The following GLRA3 variants were observed in gnomAD, a reference collection of about 807,000 sequenced individuals.
GLRA3 encodes the protein glycine receptor subunit alpha-3.
Under a neutral mutation model 60.4 loss-of-function variants are expected in GLRA3, and 44 were observed. The observed-to-expected ratio is 0.73, with a 90% CI of 0.57 to 0.94. The LOEUF (loss-of-function observed/expected upper bound fraction) is 0.94. Ranked by LOEUF, GLRA3 falls within the 40% of genes least tolerant of loss-of-function variation. GLRA3 has a pLI of 0.00. For missense variants in GLRA3, 508 were observed against 564.6 expected (o/e 0.90, Z 1.02); for synonymous variants, 223 against 192.9 (o/e 1.16, Z -1.29).
intron 8 of GLRA3, among the ~76,000 whole-genome samples, chr4:174,657,775 A>G (rs1334371953): frequency 6.6e-6 from 1 of 150,856 alleles, no homozygotes; most frequent in Non-Finnish European, 1.5e-5. Flanking sequence ...CCATCACAAT[A>G]TGTTTCAGTG....
chr4:174,759,730 T>A (rs929001581), intron 3 of GLRA3, among the ~76,000 whole-genome samples: 1 of 152,110 alleles, frequency 6.6e-6, no homozygotes, highest in Non-Finnish European at 1.5e-5. Context: ...GACAAATAGA[T>A]CATTAGCATA....
chr4:174,690,537 C>A (rs1315855117), intron 5 of GLRA3, among the ~76,000 whole-genome samples: 1 of 151,976 alleles, frequency 6.6e-6, no homozygotes, highest in Non-Finnish European at 1.5e-5. Flanking sequence ...TTTGAGGGTA[C>A]ATTTGAAAGT....
intron 9 of GLRA3, among the ~76,000 whole-genome samples, chr4:174,648,185 G>A (rs114369793): frequency 0.011 from 1,716 of 152,250 alleles, 32 homozygotes; most frequent in African/African-American, 0.039. Flanking sequence ...TGAGGACTGA[G>A]TGTGGCAGCT....
At chr4:174,647,411 G>GA (rs11424236) in intron 9 of GLRA3, among the ~76,000 whole-genome samples, 69,360 of 134,674 alleles carry the variant, frequency 0.52, 17,569 homozygotes, top group African/African-American at 0.68. Context: ...CCCATCTCAA[G>GA]AAAAAAAAAA....
intron 4 of GLRA3, 23 bp downstream of exon 4, chr4:174,728,452 G>A (rs780643005): frequency 4.3e-5 from 54 of 1,265,782 alleles, no homozygotes; most frequent in Non-Finnish European, 5.3e-5. Flanking sequence ...CACTGAAATC[G>A]GCAATTTAAG....
rs1384038062 is a variant in GLRA3 at position 174,640,131 on chromosome 4, T to C, written c.*3655A>G. The C allele has an allele frequency of 6.6e-6, 1 of 152,146 alleles. No individual in the cohort carries two copies. Among genetic ancestry groups the C allele is most frequent in the Non-Finnish European group, 1.5e-5 (1 of 67,978 alleles). 9.4% of individuals were successfully genotyped at this position (152,146 alleles called of 1,614,324 possible). On this transcript the variant is annotated 3_prime_UTR_variant, in exon 10 of 10. Transcript: ENST00000274093. ...TGGGAGTTTATGCTATTATCTATGT[T>C]GCAAAGAGTGTGGAATCACTTTTGG...
intron 7 of GLRA3, among the ~76,000 whole-genome samples, chr4:174,672,518 C>T (rs1012126137): frequency 2.0e-5 from 3 of 152,058 alleles, no homozygotes; most frequent in Non-Finnish European, 4.4e-5. Flanking sequence ...GAGCACAAGC[C>T]TTGCATGTTT....
rs889250747 is a variant in GLRA3 at position 174,718,371 on chromosome 4, T to A, written c.492-2801A>T. Among the ~76,000 whole-genome samples the A allele has an allele frequency of 9.2e-5, 14 of 152,350 alleles. No homozygotes were observed. In the East Asian group the frequency reaches 1.9e-3, roughly 21 times the overall value. On this transcript the variant is annotated intron_variant, in intron 4 of 9. Coordinates refer to ENST00000274093, the MANE Select transcript of GLRA3 (RefSeq NM_006529.4). ...TAAGAGAGACACTAAGTTCTCTTTC[T>A]GAGACAAGATACATAAACAGGATAT... is the stretch of plus-strand genomic sequence containing the variant.
chr4:174,659,107 C>A lies in GLRA3; in HGVS notation c.1018G>T (p.Val340Leu), dbSNP rs945442193. The A allele has an allele frequency of 2.3e-5, 37 of 1,612,714 alleles. No individual in the cohort carries two copies. Among genetic ancestry groups the A allele is most frequent in the Non-Finnish European group, 2.9e-5 (34 of 1,179,134 alleles). Residue 340 changes from valine to leucine, a missense_variant, in exon 8 of 10, where the codon GTA becomes TTA. Val to Leu is a conservative substitution (Grantham distance 32). Transcript: ENST00000274093. ...AGAAGTTCTTTGTGTTGTCTTGATA[C>A]AAAATTTACAGCTGCATACTCCAGA... ...ALLEYAAVNFVSRQHKELLRF... is the reference protein window; with the variant it reads ...ALLEYAAVNFLSRQHKELLRF...
chr4:174,706,122 C>T (rs765414905), intron 5 of GLRA3, among the ~76,000 whole-genome samples: 10 of 151,690 alleles, frequency 6.6e-5, no homozygotes, highest in Non-Finnish European at 1.2e-4. Flanking sequence ...CCCAGCTACT[C>T]GGGAGGCTGA....
chr4:174,781,153 A>C (rs1312149010), intron 2 of GLRA3, among the ~76,000 whole-genome samples: 4 of 152,158 alleles, frequency 2.6e-5, no homozygotes, highest in African/African-American at 4.8e-5. Flanking sequence ...ACTCAGGATT[A>C]AGAATCTCAC....
Position 174,643,910 on chromosome 4 carries a change from C to T in GLRA3, c.1271G>A (p.Arg424Gln), listed in dbSNP as rs753486096. The change falls in exon 10 of 10, where the codon CGG (arginine) becomes CAG (glutamine). Residue 424 changes from arginine (R) to glutamine (Q), a missense_variant. Physicochemically the swap from Arg to Gln is conservative, Grantham distance 43. This residue lies in a region of GLRA3 where 176 missense variants were observed against 197.9 expected (regional missense o/e 0.89). Transcript: ENST00000274093. ...PDEMRKVFIDRAKKIDTISRA... is the reference protein window; with the variant it reads ...PDEMRKVFIDQAKKIDTISRA... ...GGAGATGGTATCAATCTTCTTGGCCCGGTCGATAAAGACCTTCCTCATTTC... is the reference window on the plus strand; with the variant it reads ...GGAGATGGTATCAATCTTCTTGGCCTGGTCGATAAAGACCTTCCTCATTTC... 23 of 1,613,884 alleles carry T rather than the reference C, an allele frequency of 1.4e-5. No homozygotes were observed. The highest frequency in any genetic ancestry group is 5.0e-5 in the Admixed American group (3 of 59,974).
chr4:174,803,108 C>G (rs1739891657), intron 1 of GLRA3, among the ~76,000 whole-genome samples: 1 of 152,034 alleles, frequency 6.6e-6, no homozygotes, highest in Non-Finnish European at 1.5e-5. Context: ...TAAATCTAAT[C>G]TTTATACAAT....
At chr4:174,821,870 C>A (rs1406558849) in intron 1 of GLRA3, among the ~76,000 whole-genome samples, 1 of 152,226 alleles carries the variant, frequency 6.6e-6, no homozygotes, top group East Asian at 1.9e-4. Flanking sequence ...CTCTTGAACA[C>A]AATACTTCCT....
chr4:174,645,368 C>T (rs1363573586), intron 9 of GLRA3, among the ~76,000 whole-genome samples: 1 of 146,214 alleles, frequency 6.8e-6, no homozygotes, highest in Non-Finnish European at 1.5e-5. Context: ...GCTGAGATCG[C>T]ACCACTGCAC....
At chr4:174,753,265 G>T (rs1737557687) in intron 3 of GLRA3, among the ~76,000 whole-genome samples, 1 of 152,096 alleles carries the variant, frequency 6.6e-6, no homozygotes, top group South Asian at 2.1e-4. Flanking sequence ...TGGGTAACCT[G>T]GAAGTCTCAT....
chr4:174,718,770 C>T (rs924532812), intron 4 of GLRA3, among the ~76,000 whole-genome samples: 1 of 152,000 alleles, frequency 6.6e-6, no homozygotes, highest in Admixed American at 6.6e-5. Context: ...GTGCAGTAGG[C>T]AGTATTTTAA....
chr4:174,771,569 A>T (rs1385833), intron 2 of GLRA3, among the ~76,000 whole-genome samples: 59,341 of 151,850 alleles, frequency 0.39, 11,728 homozygotes, highest in East Asian at 0.46. Flanking sequence ...GAACATCAGT[A>T]TTGGGTTAAT....
chr4:174,784,487 A>C (rs1157666060), intron 2 of GLRA3, among the ~76,000 whole-genome samples: 12 of 145,088 alleles, frequency 8.3e-5, no homozygotes, highest in Non-Finnish European at 6.1e-5. Context: ...AATACAAAAA[A>C]AAAACCAAAA....
Sources: allele counts gnomAD v4.1 joint callset (sites outside exome capture counted in the v4.1 genomes callset), GRCh38; gene constraint gnomAD v4.1.1; regional missense constraint gnomAD v4.1.1; transcripts MANE v1.5; gene names NCBI Gene and HGNC (gene_info 2026-07-23, HGNC 2026-07-21).